Variants in PLXNB3 observed in about 807,000 individuals in gnomAD.
PLXNB3 encodes plexin B3.
In PLXNB3, 80 loss-of-function variants were observed where a neutral mutation model predicts 125.7. The ratio of observed to expected loss-of-function variants is 0.64; its 90% CI spans 0.53 to 0.77. PLXNB3 has a LOEUF of 0.77. PLXNB3 is among the 30% of genes least tolerant of loss of function. The pLI is 0.00. For missense variants in PLXNB3, 1,836 were observed against 1,729.3 expected, an observed-to-expected ratio of 1.06 and a Z score of -1.09; for synonymous variants, 954 against 783.3, an observed-to-expected ratio of 1.22 and a Z score of -3.64.
intron 3 of PLXNB3, 152 bp from the exon 4 acceptor site, chrX:153,768,097 C>T: frequency 2.5e-6 from 2 of 784,458 alleles, no homozygotes; most frequent in Non-Finnish European, 3.6e-6. Context: ...ATGCTATGAG[C>T]TTGCCAGGTG....
rs1377637311 is a variant in PLXNB3 at position 153,775,946 on chromosome X, A to G, written c.4461A>G (p.Lys1487=). The G allele has an allele frequency of 8.3e-7, 1 of 1,210,145 alleles. No homozygotes were observed. The highest frequency in any genetic ancestry group is 1.7e-5 in the African/African-American group (1 of 57,537). ...LFRAIQYQVD[K]GPVDAVTGKA... ...GGGCCATCCAGTACCAGGTGGACAAAGGCCCCGTGGACGCCGTGACAGGCA... is the reference window on the plus strand; with the variant it reads ...GGGCCATCCAGTACCAGGTGGACAAGGGCCCCGTGGACGCCGTGACAGGCA... Residue 1487 remains lysine, a synonymous_variant, in exon 27 of 36, where the codon AAA becomes AAG. Coordinates refer to ENST00000361971, the MANE Select transcript of PLXNB3 (RefSeq NM_005393.3).
rs906237354 is a variant in PLXNB3 at position 153,766,775 on chromosome X, C to T, written c.46-98C>T. 136 of 1,090,767 alleles carry T rather than the reference C, an allele frequency of 1.2e-4. No individual in the cohort carries two copies. The African/African-American group carries it at 2.4e-3, about 19-fold the overall frequency. The allele number at this position is 1,090,767 out of a possible 1,213,427, so 89.9% of individuals were successfully genotyped here. ...TCTCTCTGCCTCCCTCCCTCCCTGG[C>T]CCTGAGCACCCTGGCCTCTGTCCAC... On this transcript the variant is annotated intron_variant, in intron 2 of 35. Transcript: ENST00000361971.
At position 153,771,900 on chromosome X, in the gene PLXNB3, G is replaced by A. The variant is rs782371490; in HGVS notation, c.2554G>A (p.Ala852Thr). The change falls in exon 15 of 36, where the codon GCC becomes ACC. Residue 852 changes from alanine to threonine, a missense_variant. Ala to Thr is a moderately conservative substitution (Grantham distance 58). Transcript: ENST00000361971. ...PLTGPPEGGL[A>T]LTILGSNLGR... is the part of the protein sequence containing the mutation. ...GACCGGTCCCCCTGAGGGAGGCTTGGCCCTCACCATCCTGGGCTCCAACCT... is the reference window on the plus strand; with the variant it reads ...GACCGGTCCCCCTGAGGGAGGCTTGACCCTCACCATCCTGGGCTCCAACCT... 1 of 1,209,335 alleles carries A rather than the reference G, an allele frequency of 8.3e-7. No homozygotes were observed. Among genetic ancestry groups the A allele is most frequent in the Admixed American group, 2.2e-5 (1 of 46,094 alleles).
intron 3 of PLXNB3, 93 bp downstream of exon 3, chrX:153,768,006 A>G: frequency 1.0e-6 from 1 of 956,789 alleles, no homozygotes; most frequent in Non-Finnish European, 1.4e-6. Flanking sequence ...AGTGCCAGCC[A>G]ACCTCTCAGC....
In PLXNB3 at chrX:153,770,156, G is replaced by A; in HGVS notation, c.1694G>A (p.Gly565Glu). The change falls in exon 8 of 36, where the codon GGG becomes GAG. Residue 565 changes from glycine (G) to glutamate (E), a missense_variant. Physicochemically the swap from Gly to Glu is moderately conservative, Grantham distance 98. Transcript: ENST00000361971. ...GATGAATACTTCCATTGTGCGTTCG[G>A]GGACTATGACAGCTTGGCTCATGTG... ...DADEYFHCAF[G>E]DYDSLAHVEG... 1 of 1,211,271 alleles carries A rather than the reference G, an allele frequency of 8.3e-7. No individual in the cohort carries two copies. Among genetic ancestry groups the A allele is most frequent in the Non-Finnish European group, 1.1e-6 (1 of 895,368 alleles).
In PLXNB3 at chrX:153,770,758, G is replaced by T. The variant is rs1557061507; in HGVS notation, c.2011G>T (p.Val671Leu). The change falls in exon 11 of 36, where the codon GTG (valine) becomes TTG (leucine). Residue 671 changes from valine (V) to leucine (L), a missense_variant and splice_region_variant. Val to Leu is a conservative substitution (Grantham distance 32). Transcript: ENST00000361971. ...GGGCTGAGGGCTCTTGTTTTCCCAG[G>T]TGGACATCCAGGTGCGTGGCCCAGG... is the stretch of plus-strand genomic sequence containing the variant. Reference protein sequence around the residue: ...GERTIYSAQEVDIQVRGPGAC... With the variant: ...GERTIYSAQELDIQVRGPGAC... 1.7e-6 allele frequency: 2 copies of T among 1,204,808 alleles called. No individual in the cohort carries two copies. The highest frequency in any genetic ancestry group is 3.5e-5 in the South Asian group (2 of 56,581).
intron 14 of PLXNB3, 70 bp downstream of exon 14, chrX:153,771,725 T>A: frequency 2.7e-6 from 3 of 1,125,251 alleles, no homozygotes; most frequent in South Asian, 4.1e-5. Context: ...CTGTCCTCCG[T>A]GATCAGACCA....
intron 1 of PLXNB3, 62 bp from the exon 2 acceptor site, chrX:153,765,409 G>C: frequency 3.3e-6 from 3 of 897,863 alleles, no homozygotes; most frequent in Non-Finnish European, 3.1e-6. Context: ...CCCCACCGCC[G>C]CCCCTCCTTC....
intron 1 of PLXNB3, among the ~76,000 whole-genome samples, chrX:153,765,165 ACCCCGGC>A (rs1238378506): frequency 1.8e-5 from 2 of 112,081 alleles, no homozygotes; most frequent in African/African-American, 6.5e-5. Context: ...GCTGGAGGAA[ACCCCGGC>A]CCTTTGTCCC....
chrX:153,775,961 C>T lies in PLXNB3; in HGVS notation c.4476C>T (p.Ala1492=), dbSNP rs148833711. 8.3e-6 allele frequency: 10 copies of T among 1,210,072 alleles called. No individual in the cohort carries two copies. The highest frequency in any genetic ancestry group is 3.5e-5 in the African/African-American group (2 of 57,569). ...AGGTGGACAAAGGCCCCGTGGACGC[C>T]GTGACAGGCAAGGCCAAACGGACCC... The part of the protein sequence containing the change: ...QYQVDKGPVD[A]VTGKAKRTLN... The change falls in exon 27 of 36, where the codon GCC becomes GCT. Residue 1492 remains alanine, a synonymous_variant. Coordinates refer to ENST00000361971, the MANE Select transcript of PLXNB3 (RefSeq NM_005393.3).
In PLXNB3 at chrX:153,779,181, C is replaced by G. The variant is rs1557065663; in HGVS notation, c.*142C>G. On this transcript the variant is annotated 3_prime_UTR_variant, in exon 36 of 36. Coordinates refer to ENST00000361971, the MANE Select transcript of PLXNB3 (RefSeq NM_005393.3). ...CAGGCACTGTGCCCAGCAGTGGGCT[C>G]CCTGCCTGCCACCTCCCCTGCCAGC... 2.9e-5 allele frequency: 10 copies of G among 349,776 alleles called. No homozygotes were observed. Among genetic ancestry groups the G allele is most frequent in the Non-Finnish European group, 4.9e-5 (10 of 205,692 alleles). 28.8% of individuals were successfully genotyped at this position (349,776 alleles called of 1,213,427 possible). A position where few individuals can be genotyped will look rare whatever the true frequency, so the allele number is the denominator to read the frequency against.
chrX:153,777,232 A>G lies in PLXNB3; in HGVS notation c.4952A>G (p.Glu1651Gly), dbSNP rs34762690. Residue 1651 changes from glutamate to glycine, a missense_variant, in exon 30 of 36, where the codon GAG becomes GGG. Glu to Gly is a moderately conservative substitution (Grantham distance 98). Transcript: ENST00000361971. ...GACATACCCACGCTGGAGGATGGCG[A>G]GGAGGGGGGGGTGTGCCTCTGGCAC... ...GENIPTLEDG[E>G]EGGVCLWHLV... 1.7e-6 allele frequency: 2 copies of G among 1,166,491 alleles called. No individual in the cohort carries two copies. The highest frequency in any genetic ancestry group is 2.3e-6 in the Non-Finnish European group (2 of 870,753).
At chrX:153,773,134 G>A (rs1239986828) in intron 17 of PLXNB3, 96 bp from the exon 18 acceptor site, 10 of 1,076,166 alleles carry the variant, frequency 9.3e-6, no homozygotes, top group Non-Finnish European at 1.1e-5. Context: ...CCTTGTCAAG[G>A]CAGGCAAAGC....
At chrX:153,776,854 G>A (rs1261065125) in intron 28 of PLXNB3, 33 bp from the exon 29 acceptor site, 6 of 1,037,982 alleles carry the variant, frequency 5.8e-6, no homozygotes, top group Non-Finnish European at 6.6e-6. Flanking sequence ...CTGGCTAGGG[G>A]TCAGCACAGC....
rs782636433 is a variant in PLXNB3, at chrX:153,770,110, C to T, written c.1648C>T (p.Arg550Trp). ...ATCCCAGGTCACTTTGTCTGTCCCC[C>T]GGCTGCCCATCCTGGATGCAGATGA... is the stretch of plus-strand genomic sequence containing the variant. ...EQGQVTLSVPRLPILDADEYF... is the reference protein window; with the variant it reads ...EQGQVTLSVPWLPILDADEYF... The change falls in exon 8 of 36, where the codon CGG becomes TGG. Residue 550 changes from arginine (R) to tryptophan (W), a missense_variant. By Grantham distance (101) the Arg-to-Trp change is moderately radical (BLOSUM62 -3). Transcript: ENST00000361971. The T allele has an allele frequency of 1.2e-5, 15 of 1,209,806 alleles. No homozygotes were observed. Among genetic ancestry groups the T allele is most frequent in the African/African-American group, 5.2e-5 (3 of 57,484 alleles).
rs782175065 is a variant in PLXNB3, at chrX:153,777,624, G to A, written c.5197G>A (p.Asp1733Asn). The A allele has an allele frequency of 3.4e-5, 41 of 1,210,709 alleles. No homozygotes were observed. Among genetic ancestry groups the A allele is most frequent in the Non-Finnish European group, 4.4e-5 (39 of 895,220 alleles). The change falls in exon 31 of 36, where the codon GAT (aspartate) becomes AAT (asparagine). Residue 1733 changes from aspartate (D) to asparagine (N), a missense_variant. Asp to Asn is a conservative substitution (Grantham distance 23). Coordinates refer to ENST00000361971, the MANE Select transcript of PLXNB3 (RefSeq NM_005393.3). ...CGTCAAGTACCTGTTTGACCTTCTG[G>A]ATGAGCTAGCAGAGAAGCACGGCAT... ...IAVKYLFDLL[D>N]ELAEKHGIED... is the part of the protein sequence containing the mutation.
rs782672041 is a variant in PLXNB3, at chrX:153,774,228, G to T, written c.3562G>T (p.Val1188Leu). The change falls in exon 21 of 36, where the codon GTG (valine) becomes TTG (leucine). Residue 1188 changes from valine (V) to leucine (L), a missense_variant. By Grantham distance (32) the Val-to-Leu change is conservative (BLOSUM62 1). Coordinates refer to ENST00000361971, the MANE Select transcript of PLXNB3 (RefSeq NM_005393.3). ...GGGCATCAGCAAGGAGGAGGTGCGC[G>T]TGCACATCGGCCGCGGCGAGTGCCT... is the stretch of plus-strand genomic sequence containing the variant. ...NLGISKEEVR[V>L]HIGRGECLVK... 2 of 1,200,558 alleles carry T rather than the reference G, an allele frequency of 1.7e-6. No homozygotes were observed. The highest frequency in any genetic ancestry group is 3.5e-5 in the South Asian group (2 of 56,451).
chrX:153,770,680 C>G (rs782190493), intron 10 of PLXNB3, 38 bp downstream of exon 10: 32 of 1,203,372 alleles, frequency 2.7e-5, no homozygotes, highest in Middle Eastern at 2.3e-4. Context: ...ACAGGGCTGT[C>G]CCTTCTCCAC....
chrX:153,770,400 T>A lies in PLXNB3; in HGVS notation c.1849T>A (p.Ser617Thr). Reference protein sequence around the residue: ...EDVTVAATNFSFYDCSAVQAL... With the variant: ...EDVTVAATNFTFYDCSAVQAL... ...CGTGACTGTGGCTGCCACCAACTTC[T>A]CCTTTTATGACTGCAGTGCCGTCCA... The change falls in exon 9 of 36, where the codon TCC becomes ACC. Residue 617 changes from serine (S) to threonine (T), a missense_variant. Transcript: ENST00000361971. 8.3e-7 allele frequency: 1 copy of A among 1,210,683 alleles called. No individual in the cohort carries two copies. The highest frequency in any genetic ancestry group is 1.1e-6 in the Non-Finnish European group (1 of 895,069).
Sources: allele counts gnomAD v4.1 joint callset (sites outside exome capture counted in the v4.1 genomes callset), GRCh38; gene constraint gnomAD v4.1.1; transcripts MANE v1.5; gene names NCBI Gene and HGNC (gene_info 2026-07-23, HGNC 2026-07-21).